The following PRSS27 variants were observed in gnomAD, a reference collection of about 807,000 sequenced individuals.
PRSS27 encodes channel-activating protease 2.
Under a neutral mutation model 32.0 loss-of-function variants are expected in PRSS27, and 25 were observed. The ratio of observed to expected loss-of-function variants is 0.78; its 90% CI spans 0.57 to 1.09. The LOEUF is 1.09. PRSS27 is among the 50% of genes least tolerant of loss of function. PRSS27 has a pLI of 0.00. For synonymous variants in PRSS27, 178 were observed against 172.2 expected, an observed-to-expected ratio of 1.03 and a Z score of -0.26; for missense variants, 401 against 394.9, an observed-to-expected ratio of 1.02 and a Z score of -0.13.
chr16:2,713,094 G>A, intron 5 of PRSS27: 1 of 521,478 alleles, frequency 1.9e-6, no homozygotes, highest in East Asian at 3.1e-5. Flanking sequence ...CCAGGAATCT[G>A]CTTTTTCTTT....
At chr16:2,713,448 C>T (rs1277344632) in intron 5 of PRSS27, 81 bp downstream of exon 5, 1 of 1,409,312 alleles carries the variant, frequency 7.1e-7, no homozygotes, top group Admixed American at 1.7e-5. Flanking sequence ...AATGCATAGC[C>T]CATGGAGCGG....
At chr16:2,716,066 C>T in intron 2 of PRSS27, 186 bp from the exon 3 acceptor site, 2 of 521,012 alleles carry the variant, frequency 3.8e-6, no homozygotes, top group South Asian at 3.1e-5. Flanking sequence ...CCAGCTGCCC[C>T]CCAAAGTCTC....
chr16:2,713,253 C>T (rs927509419), intron 5 of PRSS27: 124 of 473,220 alleles, frequency 2.6e-4, no homozygotes, highest in East Asian at 1.2e-4. Flanking sequence ...CGCCCACCAC[C>T]ACGCCTGGCT....
chr16:2,715,686 C>A (rs762484971), intron 3 of PRSS27, 32 bp downstream of exon 3: 12 of 1,538,250 alleles, frequency 7.8e-6, no homozygotes, highest in Non-Finnish European at 9.6e-6. Context: ...GCTGTCAGCG[C>A]TATGGGCGGG....
chr16:2,715,950 G>T, intron 2 of PRSS27, 70 bp from the exon 3 acceptor site: 1 of 1,344,938 alleles, frequency 7.4e-7, no homozygotes, highest in Non-Finnish European at 1.0e-6. Context: ...CCAGCTCTCA[G>T]CCTCACACTC....
chr16:2,719,789 G>C (rs532777721), intron 1 of PRSS27, among the ~76,000 whole-genome samples: 3 of 152,358 alleles, frequency 2.0e-5, no homozygotes, highest in African/African-American at 7.2e-5. Flanking sequence ...AGAATGGGGG[G>C]AGAGGCCGAG....
rs534830426 is a variant in PRSS27, at chr16:2,716,707, G to A, written c.47-181C>T. 2.0e-4 allele frequency: 127 copies of A among 634,758 alleles called. 2 individuals carry two copies. Among genetic ancestry groups the A allele is most frequent in the South Asian group, 2.0e-3 (107 of 54,306 alleles). 39.3% of individuals were successfully genotyped at this position (634,758 alleles called of 1,614,324 possible). On this transcript the variant is annotated intron_variant, in intron 1 of 5. Coordinates refer to ENST00000302641, the MANE Select transcript of PRSS27 (RefSeq NM_031948.5). ...TTTCCCCCCCAGGGCTGGCTCTGCC[G>A]TATGCTCAGGCCCAGGCCCATGGGC...
At chr16:2,713,796 TG>T (rs1010544840) in intron 4 of PRSS27, 98 bp from the exon 5 acceptor site, 5 of 1,359,126 alleles carry the variant, frequency 3.7e-6, no homozygotes, top group Non-Finnish European at 4.1e-6. Context: ...CGTTTCCTCA[TG>T]TTTAGACCAT....
At chr16:2,716,433 C>T (rs2067702766) in intron 2 of PRSS27, 67 bp downstream of exon 2, 2 of 1,454,052 alleles carry the variant, frequency 1.4e-6, no homozygotes, top group Admixed American at 3.7e-5. Flanking sequence ...TTCCCTCTGG[C>T]CATGAGTGTC....
At chr16:2,716,089 G>T in intron 2 of PRSS27, 1 of 517,076 alleles carries the variant, frequency 1.9e-6, no homozygotes, top group Non-Finnish European at 3.4e-6. Flanking sequence ...TCTCCTCGCC[G>T]AGAAAGGCAA....
In PRSS27 at chr16:2,712,725, C is replaced by T. The variant is rs1360107863; in HGVS notation, c.768G>A (p.Gln256=). ...VISWGEGCAR[Q]NRPGVYIRVT... is the part of the protein sequence containing the mutation. ...CACGGATGTAGACACCTGGGCGGTT[C>T]TGGCGGGCACAGCCCTCACCCCAGC... The change falls in exon 6 of 6, where the codon CAG becomes CAA. Residue 256 remains glutamine (Q), a synonymous_variant. Transcript: ENST00000302641. This position sits in a 1 kb window ranked among gnomAD's most constrained non-coding sequence, Gnocchi z 4.6. 1.3e-6 allele frequency: 2 copies of T among 1,589,494 alleles called. No homozygotes were observed. Among genetic ancestry groups the T allele is most frequent in the Non-Finnish European group, 1.7e-6 (2 of 1,167,948 alleles).
Position 2,715,830 on chromosome 16 carries a change from G to A in PRSS27, c.124C>T (p.Gln42Ter). The A allele has an allele frequency of 6.2e-7, 1 of 1,604,278 alleles. No individual in the cohort carries two copies. Among genetic ancestry groups the A allele is most frequent in the Non-Finnish European group, 8.5e-7 (1 of 1,176,926 alleles). Residue 42 changes from glutamine (Q) to a stop codon, truncating the protein, a stop_gained, in exon 3 of 6, where the codon CAG becomes TAG. Coordinates refer to ENST00000302641, the MANE Select transcript of PRSS27 (RefSeq NM_031948.5). LOFTEE classifies it high-confidence loss of function. ...LNRMVGGQDT[Q>*]EGEWPWQVSI... ...ACTTGCCAGGGCCACTCGCCCTCCT[G>A]CGTGTCCTGCCCGCCCACCATTCGG...
chr16:2,714,367 G>A lies in PRSS27; in HGVS notation c.237-31C>T, dbSNP rs756790039. The A allele has an allele frequency of 1.1e-5, 18 of 1,605,426 alleles. No homozygotes were observed. Among genetic ancestry groups the A allele is most frequent in the Admixed American group, 5.0e-5 (3 of 59,764 alleles). The stretch of plus-strand genomic sequence containing the variant: ...GGGAGAAACAGAGAGGCGGCGTGAG[G>A]CGGCCCCTCGTGTGGGGACAGGCCC... On this transcript the variant is annotated intron_variant, in intron 3 of 5. Coordinates refer to ENST00000302641, the MANE Select transcript of PRSS27 (RefSeq NM_031948.5). This position sits in a 1 kb window ranked among gnomAD's most constrained non-coding sequence, Gnocchi z 4.7.
At chr16:2,713,212 C>T in intron 5 of PRSS27, 1 of 456,510 alleles carries the variant, frequency 2.2e-6, no homozygotes, top group Non-Finnish European at 4.1e-6. Flanking sequence ...CATTCTCCTG[C>T]CTCAGCCTCC....
intron 2 of PRSS27, 73 bp downstream of exon 2, chr16:2,716,427 C>T (rs1326074162): frequency 1.7e-5 from 24 of 1,419,246 alleles, no homozygotes; most frequent in Non-Finnish European, 3.9e-6. Context: ...TCCAAATTCC[C>T]TCTGGCCATG....
chr16:2,719,338 C>T (rs971491685), intron 1 of PRSS27, among the ~76,000 whole-genome samples: 4 of 152,094 alleles, frequency 2.6e-5, no homozygotes, highest in Non-Finnish European at 2.9e-5. Flanking sequence ...ACAAGGAAGC[C>T]TGGAGTACTG....
rs150690424 is a variant in PRSS27, at chr16:2,714,126, C to T, written c.447G>A (p.Ser149=). The part of the protein sequence containing the change: ...YILPVCLPDP[S]VIFETGMNCW... ...AGTTCATGCCCGTCTCAAAGATCAC[C>T]GAGGGGTCAGGCAGGCACACGGGGA... The change falls in exon 4 of 6, where the codon TCG becomes TCA. Residue 149 remains serine, a synonymous_variant. Coordinates refer to ENST00000302641, the MANE Select transcript of PRSS27 (RefSeq NM_031948.5). The surrounding 1 kb of genome is among the most constrained non-coding windows in gnomAD (Gnocchi z 4.7). 84 of 1,613,932 alleles carry T rather than the reference C, an allele frequency of 5.2e-5. No homozygotes were observed. Among genetic ancestry groups the T allele is most frequent in the Middle Eastern group, 1.6e-4 (1 of 6,084 alleles).
At position 2,712,621 on chromosome 16, in the gene PRSS27, C is replaced by G. The variant is rs2067668876; in HGVS notation, c.872G>C (p.Ter291SerextTer33). Residue 291 changes from the stop codon to serine (S), a stop_lost, in exon 6 of 6, where the codon TGA (stop) becomes TCA (serine). Transcript: ENST00000302641. The surrounding 1 kb of genome is among the most constrained non-coding windows in gnomAD (Gnocchi z 4.6). ...AAGGGGCTCCTGGCCCCGGGGGTCT[C>G]ACTTCTGGCCGCCCAACCTCGCTGG... ...FQPARLGGQK[*>S] 2 of 1,579,162 alleles carry G rather than the reference C, an allele frequency of 1.3e-6. No homozygotes were observed. The highest frequency in any genetic ancestry group is 1.7e-6 in the Non-Finnish European group (2 of 1,162,262).
At position 2,712,855 on chromosome 16, in the gene PRSS27, T is replaced by A. The variant is rs1299454698; in HGVS notation, c.679-41A>T. On this transcript the variant is annotated intron_variant, in intron 5 of 5. Coordinates refer to ENST00000302641, the MANE Select transcript of PRSS27 (RefSeq NM_031948.5). The surrounding 1 kb of genome is among the most constrained non-coding windows in gnomAD (Gnocchi z 4.6). ...AGTCACCGTCAGAGCCCACCTTGAG[T>A]TCCCAGAGACTCAGTTGCAGCCGCA... 6.9e-7 allele frequency: 1 copy of A among 1,446,336 alleles called. No individual in the cohort carries two copies. The highest frequency in any genetic ancestry group is 1.4e-5 in the African/African-American group (1 of 70,138). 89.6% of individuals were successfully genotyped at this position (1,446,336 alleles called of 1,614,324 possible).
Sources: allele counts gnomAD v4.1 joint callset (sites outside exome capture counted in the v4.1 genomes callset), GRCh38; gene constraint gnomAD v4.1.1; non-coding constraint Gnocchi (gnomAD v3.1); transcripts MANE v1.5; gene names NCBI Gene and HGNC (gene_info 2026-07-23, HGNC 2026-07-21).